MICAL3: variants seen among roughly 807,000 people sequenced by gnomAD.
The protein encoded by MICAL3 is microtubule associated monooxygenase, calponin and LIM domain containing 3.
Under a neutral mutation model 207.4 loss-of-function variants are expected in MICAL3, and 62 were observed. The ratio of observed to expected loss-of-function variants is 0.30; its 90% CI spans 0.24 to 0.37. The LOEUF (loss-of-function observed/expected upper bound fraction) is 0.37, where lower values mean the gene tolerates loss of function less well. Ranked by LOEUF, MICAL3 falls within the 10% of genes least tolerant of loss-of-function variation. The pLI, the probability that MICAL3 is intolerant of heterozygous loss-of-function variation, is 1.00. For synonymous variants in MICAL3, 1,077 were observed against 1,069.3 expected (o/e 1.01, Z -0.14); for missense variants, 2,368 against 2,635.6 (o/e 0.90, Z 2.22).
intron 19 of MICAL3, among the ~76,000 whole-genome samples, chr22:17,858,775 C>G (rs746888586): frequency 6.6e-6 from 1 of 152,238 alleles, no homozygotes; most frequent in Non-Finnish European, 1.5e-5. Flanking sequence ...ATGGGCAGCA[C>G]AGAATCACGT....
chr22:17,939,236 A>T (rs1444062378), intron 1 of MICAL3, among the ~76,000 whole-genome samples: 3 of 152,134 alleles, frequency 2.0e-5, no homozygotes, highest in Non-Finnish European at 2.9e-5. Flanking sequence ...TCAACCTTGG[A>T]CTTCCCAGCC....
intron 25 of MICAL3, among the ~76,000 whole-genome samples, 192 bp downstream of exon 25, chr22:17,821,235 T>A (rs1921611701): frequency 6.6e-6 from 1 of 152,006 alleles, no homozygotes; most frequent in Non-Finnish European, 1.5e-5. Flanking sequence ...AGGCCACTCC[T>A]GTCATCAACA....
intron 20 of MICAL3, 109 bp from the exon 21 acceptor site, chr22:17,832,216 G>A: frequency 7.3e-7 from 1 of 1,375,628 alleles, no homozygotes; most frequent in Non-Finnish European, 9.8e-7. Context: ...AGCAGCTGCT[G>A]AGCAGGCGGA....
At chr22:17,982,020 G>A (rs932536028) in intron 1 of MICAL3, among the ~76,000 whole-genome samples, 2 of 152,010 alleles carry the variant, frequency 1.3e-5, no homozygotes, top group Non-Finnish European at 2.9e-5. Flanking sequence ...TGAGAGAATC[G>A]CCTGAGCCTG....
At position 17,850,452 on chromosome 22, in the gene MICAL3, C is replaced by T. The variant is rs1470053445; in HGVS notation, c.2606-8435G>A. ...TTGAGATGGAGTCTCACTCTGTTAC[C>T]CAGGCTGGAGTGCAGTGGTGCGATC... On this transcript the variant is annotated intron_variant, in intron 19 of 31. Transcript: ENST00000441493. Among the ~76,000 whole-genome samples, 3 of 131,256 alleles carry T rather than the reference C, an allele frequency of 2.3e-5. No individual in the cohort carries two copies. In the East Asian group the frequency reaches 7.1e-4, roughly 31 times the overall value. The allele number at this position is 131,256 out of a possible 152,430, so 86.1% of individuals were successfully genotyped here.
chr22:17,848,279 C>T (rs146233580), intron 19 of MICAL3, among the ~76,000 whole-genome samples: 18 of 152,276 alleles, frequency 1.2e-4, no homozygotes, highest in African/African-American at 4.3e-4. Flanking sequence ...GGGCTGTAAG[C>T]GGGATCCATG....
rs147533394 is a variant in MICAL3, at chr22:17,830,303, C to G, written c.3055+1551G>C. 3.8e-3 allele frequency among the ~76,000 whole-genome samples: 580 copies of G among 152,330 alleles called. 6 individuals are homozygous for G. Among genetic ancestry groups the G allele is most frequent in the African/African-American group, 0.013 (556 of 41,582 alleles). On this transcript the variant is annotated intron_variant, in intron 21 of 31. Transcript: ENST00000441493. Reference sequence around the variant, plus strand: ...GACAGACACACCTGCGCTAGGGACACAGGCTCCGGTCTGGGACTCTCGGAG... The same window carrying G: ...GACAGACACACCTGCGCTAGGGACAGAGGCTCCGGTCTGGGACTCTCGGAG...
At chr22:17,872,746 C>T in intron 16 of MICAL3, 3 of 1,599,272 alleles carry the variant, frequency 1.9e-6, no homozygotes, top group Non-Finnish European at 2.6e-6. Context: ...GCGTCTCTTA[C>T]CAGTTCCTTC....
intron 29 of MICAL3, among the ~76,000 whole-genome samples, chr22:17,799,373 C>T (rs2061913069): frequency 6.6e-6 from 1 of 152,154 alleles, no homozygotes; most frequent in South Asian, 2.1e-4. Context: ...GTGACAGAGC[C>T]AGACCCTGTC....
intron 19 of MICAL3, among the ~76,000 whole-genome samples, chr22:17,846,480 G>C (rs1378649503): frequency 1.3e-5 from 2 of 152,202 alleles, no homozygotes; most frequent in Non-Finnish European, 2.9e-5. Context: ...TCTGTCAGAT[G>C]AATCAGGCGG....
chr22:17,907,649 C>G (rs866459486), intron 1 of MICAL3, among the ~76,000 whole-genome samples: 26 of 152,206 alleles, frequency 1.7e-4, no homozygotes, highest in Middle Eastern at 3.4e-3. Context: ...GCAGAAGAGC[C>G]GCAGACTCTG....
intron 1 of MICAL3, among the ~76,000 whole-genome samples, chr22:17,912,408 A>T (rs1932203161): frequency 1.3e-5 from 2 of 151,502 alleles, no homozygotes; most frequent in South Asian, 4.2e-4. Context: ...GATAGGGATT[A>T]CACTGAATGT....
At chr22:17,859,665 C>A (rs1208730027) in intron 19 of MICAL3, among the ~76,000 whole-genome samples, 1 of 152,234 alleles carries the variant, frequency 6.6e-6, no homozygotes, top group Non-Finnish European at 1.5e-5. Context: ...TTACCAGGAG[C>A]AAGGCTGTTG....
chr22:17,911,893 A>G (rs1932169713), intron 1 of MICAL3, among the ~76,000 whole-genome samples: 7 of 88,566 alleles, frequency 7.9e-5, no homozygotes, highest in Admixed American at 7.1e-4. Context: ...TCCCTCAGAA[A>G]CCAGGACCCA....
Position 17,904,980 on chromosome 22 carries a change from G to A in MICAL3, c.265-141C>T, listed in dbSNP as rs905540705. 10 of 665,228 alleles carry A rather than the reference G, an allele frequency of 1.5e-5. No individual in the cohort carries two copies. In the African/African-American group the frequency reaches 1.8e-4, roughly 12 times the overall value. 41.2% of individuals were successfully genotyped at this position (665,228 alleles called of 1,614,324 possible). On this transcript the variant is annotated intron_variant, in intron 2 of 31. Coordinates refer to ENST00000441493, the MANE Select transcript of MICAL3 (RefSeq NM_015241.3). ...ACTGCCAAGAAACCTTCACACCTACGTGGGTCACAGCAGAGCACCTGCCAT... is the reference window on the plus strand; with the variant it reads ...ACTGCCAAGAAACCTTCACACCTACATGGGTCACAGCAGAGCACCTGCCAT...
At chr22:17,843,396 G>C (rs9618142) in intron 19 of MICAL3, among the ~76,000 whole-genome samples, 1 of 151,984 alleles carries the variant, frequency 6.6e-6, no homozygotes, top group East Asian at 1.9e-4. Context: ...CCCCTGTAAT[G>C]TGAGTAGCAC....
chr22:17,879,331 T>C (rs373203331), intron 16 of MICAL3: 2 of 1,602,958 alleles, frequency 1.2e-6, no homozygotes, highest in African/African-American at 1.3e-5. Flanking sequence ...ATGCCACGGG[T>C]TCATGCTCTT....
chr22:17,930,432 G>A (rs1194045398), intron 1 of MICAL3, among the ~76,000 whole-genome samples: 1 of 152,182 alleles, frequency 6.6e-6, no homozygotes, highest in Non-Finnish European at 1.5e-5. Context: ...AAAATGATAA[G>A]CTGCAGTTAC....
At chr22:17,859,350 C>T (rs968957810) in intron 19 of MICAL3, among the ~76,000 whole-genome samples, 7 of 152,194 alleles carry the variant, frequency 4.6e-5, no homozygotes, top group African/African-American at 7.2e-5. Context: ...GCCTAGGGCC[C>T]GGCAGGTGCA....
Sources: allele counts gnomAD v4.1 joint callset (sites outside exome capture counted in the v4.1 genomes callset), GRCh38; gene constraint gnomAD v4.1.1; transcripts MANE v1.5; gene names NCBI Gene and HGNC (gene_info 2026-07-23, HGNC 2026-07-21).